The following UQCRC2 variants were observed in gnomAD, a reference collection of about 807,000 sequenced individuals.
UQCRC2 encodes the protein cytochrome b-c1 complex subunit 2, mitochondrial.
UQCRC2 carries 49 observed loss-of-function variants against 55.6 expected under a neutral mutation model. That is an observed-to-expected ratio of 0.88 (90% CI 0.70 to 1.12). The LOEUF (loss-of-function observed/expected upper bound fraction) is 1.12. Among genes scored for constraint, UQCRC2 ranks in the 50% most tolerant of loss-of-function variants. The pLI, the probability that UQCRC2 is intolerant of heterozygous loss-of-function variation, is 0.00. For synonymous variants in UQCRC2, 193 were observed against 192.0 expected (o/e 1.01, Z -0.04); for missense variants, 506 against 547.8 (o/e 0.92, Z 0.76).
intron 10 of UQCRC2, 32 bp downstream of exon 10, chr16:21,972,154 G>C: frequency 6.3e-7 from 1 of 1,586,454 alleles, no homozygotes; most frequent in South Asian, 1.1e-5. Flanking sequence ...CTCTCTTTTT[G>C]CTTTCAAAGG....
intron 8 of UQCRC2, among the ~76,000 whole-genome samples, chr16:21,969,434 G>A (rs1178226836): frequency 6.6e-6 from 1 of 152,182 alleles, no homozygotes; most frequent in Non-Finnish European, 1.5e-5. Context: ...TCGGGGGGCT[G>A]AGGAGGAGAA....
rs1165937820 is a variant in UQCRC2 at position 21,973,985 on chromosome 16, C to T, written c.1047+9C>T. ...CCACAGCTGCTGGAGATGTAAGTTGCAAACTCACCAAACTTCTTTCATGAA... is the reference window on the plus strand; with the variant it reads ...CCACAGCTGCTGGAGATGTAAGTTGTAAACTCACCAAACTTCTTTCATGAA... On this transcript the variant is annotated intron_variant, in intron 11 of 13. Transcript: ENST00000268379. 3 of 1,592,760 alleles carry T rather than the reference C, an allele frequency of 1.9e-6. No individual in the cohort carries two copies. The Admixed American group carries it at 5.7e-5, about 30-fold the overall frequency.
chr16:21,956,049 T>C (rs1476268604), intron 1 of UQCRC2, among the ~76,000 whole-genome samples: 1 of 152,164 alleles, frequency 6.6e-6, no homozygotes, highest in East Asian at 1.9e-4. Context: ...AGTCTCGAGC[T>C]CCTGACCTCA....
At chr16:21,973,628 C>T (rs1898515118) in intron 10 of UQCRC2, among the ~76,000 whole-genome samples, 1 of 152,066 alleles carries the variant, frequency 6.6e-6, no homozygotes, top group Non-Finnish European at 1.5e-5. Flanking sequence ...AACCTTTAAT[C>T]ATCTAAAGCA....
At chr16:21,973,813 A>G in intron 10 of UQCRC2, 83 bp from the exon 11 acceptor site, 6 of 1,322,644 alleles carry the variant, frequency 4.5e-6, no homozygotes, top group Non-Finnish European at 6.4e-6. Context: ...TGAAGGTCCA[A>G]GTTTTTTCTA....
At chr16:21,980,738 ACTTAAC>A (rs746271272) in intron 13 of UQCRC2, 38 bp downstream of exon 13, 82 of 1,607,352 alleles carry the variant, frequency 5.1e-5, no homozygotes, top group Non-Finnish European at 6.6e-5. Flanking sequence ...ACAACAGAGA[ACTTAAC>A]CTTAATGATC....
At chr16:21,979,875 A>G (rs1005721358) in intron 12 of UQCRC2, among the ~76,000 whole-genome samples, 4 of 152,196 alleles carry the variant, frequency 2.6e-5, no homozygotes, top group African/African-American at 7.2e-5. Flanking sequence ...GACCAAAAAC[A>G]TCATTATGTA....
intron 12 of UQCRC2, 94 bp downstream of exon 12, chr16:21,976,337 G>A (rs1478946703): frequency 7.4e-6 from 8 of 1,074,548 alleles, no homozygotes. Flanking sequence ...TGCTCATAAG[G>A]ACTGAGAAGT....
At chr16:21,972,688 A>C (rs1306881658) in intron 10 of UQCRC2, among the ~76,000 whole-genome samples, 1 of 152,112 alleles carries the variant, frequency 6.6e-6, no homozygotes, top group Non-Finnish European at 1.5e-5. Context: ...CAGCCTGGCC[A>C]ACGTGGTGAA....
chr16:21,971,492 G>T, intron 8 of UQCRC2, 33 bp from the exon 9 acceptor site: 1 of 1,538,588 alleles, frequency 6.5e-7, no homozygotes, highest in Non-Finnish European at 8.9e-7. Context: ...AGTAATTGTG[G>T]TTCTAGCTTT....
At chr16:21,968,749 T>G (rs1055480443) in intron 8 of UQCRC2, 64 bp downstream of exon 8, 9 of 1,458,422 alleles carry the variant, frequency 6.2e-6, no homozygotes, top group Admixed American at 4.2e-5. Context: ...TAAACTGTAA[T>G]TACGTGAACA....
At chr16:21,959,493 C>T (rs1384577971) in intron 4 of UQCRC2, 3 of 157,008 alleles carry the variant, frequency 1.9e-5, no homozygotes, top group Admixed American at 6.4e-5. Flanking sequence ...TCTCTTGCTA[C>T]TCCCACCATA....
At chr16:21,980,843 C>A (rs1232336440) in intron 13 of UQCRC2, 143 bp downstream of exon 13, 2 of 941,178 alleles carry the variant, frequency 2.1e-6, no homozygotes, top group Non-Finnish European at 3.0e-6. Flanking sequence ...CAGGAGGGCT[C>A]ATTCCCATAA....
At chr16:21,963,156 T>G in intron 6 of UQCRC2, 1 of 225,594 alleles carries the variant, frequency 4.4e-6, no homozygotes, top group East Asian at 1.0e-4. Context: ...ACCTGGCTAA[T>G]TTTTTGTATT....
chr16:21,978,937 C>T (rs765140442), intron 12 of UQCRC2, among the ~76,000 whole-genome samples: 5 of 152,134 alleles, frequency 3.3e-5, no homozygotes, highest in Non-Finnish European at 5.9e-5. Context: ...AAACAGACAG[C>T]AGAAGCTCTT....
rs1429077316 is a variant in UQCRC2, at chr16:21,983,344, TTAAG to T, written c.*175_*178del. The T allele has an allele frequency of 1.8e-6, 1 of 557,800 alleles. No homozygotes were observed. The highest frequency in any genetic ancestry group is 1.9e-5 in the African/African-American group (1 of 51,560). 34.6% of individuals were successfully genotyped at this position (557,800 alleles called of 1,614,324 possible). A position where few individuals can be genotyped will look rare whatever the true frequency, so the allele number is the denominator to read the frequency against. ...ACCTAAAGTCAATAAAACATTCTGT[TTAAG>T]TGTTTTTCTTACGTTTTTCTCAATG... On this transcript the variant is annotated 3_prime_UTR_variant, in exon 14 of 14. Coordinates refer to ENST00000268379, the MANE Select transcript of UQCRC2 (RefSeq NM_003366.4).
Position 21,972,003 on chromosome 16 carries a change from G to A in UQCRC2, c.847G>A (p.Ala283Thr). Residue 283 changes from alanine (A) to threonine (T), a missense_variant, in exon 10 of 14, where the codon GCA becomes ACA. Physicochemically the swap from Ala to Thr is moderately conservative, Grantham distance 58. Coordinates refer to ENST00000268379, the MANE Select transcript of UQCRC2 (RefSeq NM_003366.4). ...AESAVAGSAE[A>T]NAFSVLQHVL... ...AAGTGCTGTCGCGGGAAGTGCAGAG[G>A]CAAATGCATTTAGTGTTCTTCAGCA... 6.2e-7 allele frequency: 1 copy of A among 1,614,142 alleles called. No individual in the cohort carries two copies. Among genetic ancestry groups the A allele is most frequent in the Non-Finnish European group, 8.5e-7 (1 of 1,180,022 alleles).
chr16:21,972,185 T>C, intron 10 of UQCRC2, 63 bp downstream of exon 10: 2 of 1,511,810 alleles, frequency 1.3e-6, no homozygotes, highest in East Asian at 2.5e-5. Context: ...AAGATATAAT[T>C]CTGATAATCT....
At position 21,980,667 on chromosome 16, in the gene UQCRC2, G is replaced by A; in HGVS notation, c.1245G>A (p.Gln415=). Residue 415 remains glutamine (Q), a synonymous_variant, in exon 13 of 14, where the codon CAG becomes CAA. Coordinates refer to ENST00000268379, the MANE Select transcript of UQCRC2 (RefSeq NM_003366.4). ...SYMPPSTVLQ[Q]IDSVANADII... ...TGCCACCATCCACAGTCCTTCAGCA[G>A]ATTGATTCAGTGGCTAATGCTGATA... is the stretch of plus-strand genomic sequence containing the variant. 2 of 1,614,152 alleles carry A rather than the reference G, an allele frequency of 1.2e-6. No individual in the cohort carries two copies. The highest frequency in any genetic ancestry group is 1.7e-6 in the Non-Finnish European group (2 of 1,180,018).
Sources: allele counts gnomAD v4.1 joint callset (sites outside exome capture counted in the v4.1 genomes callset), GRCh38; gene constraint gnomAD v4.1.1; transcripts MANE v1.5; gene names NCBI Gene and HGNC (gene_info 2026-07-23, HGNC 2026-07-21).